RPS6KA2: variants seen among roughly 807,000 people sequenced by gnomAD.
RPS6KA2 encodes ribosomal protein S6 kinase A2.
A neutral mutation model predicts 91.8 loss-of-function variants in RPS6KA2; 42 were observed. That is an observed-to-expected ratio of 0.46 (90% CI 0.36 to 0.59). RPS6KA2 has a LOEUF of 0.59. Ranked by LOEUF, RPS6KA2 falls within the 20% of genes least tolerant of loss-of-function variation. The probability of loss-of-function intolerance (pLI) is 0.00; values close to 1 mark genes in which losing one functional copy is unlikely to be tolerated. For synonymous variants in RPS6KA2, 414 were observed against 393.6 expected, an observed-to-expected ratio of 1.05 and a Z score of -0.61; for missense variants, 798 against 978.5, an observed-to-expected ratio of 0.82 and a Z score of 2.46.
At chr6:166,634,396 T>A (rs1183283407) in intron 2 of RPS6KA2, among the ~76,000 whole-genome samples, 1 of 152,194 alleles carries the variant, frequency 6.6e-6, no homozygotes, top group African/African-American at 2.4e-5. Flanking sequence ...AGGCGCCACC[T>A]CTGAGTTGCT....
At chr6:166,566,173 C>T (rs1416734231) in intron 1 of RPS6KA2, among the ~76,000 whole-genome samples, 1 of 152,216 alleles carries the variant, frequency 6.6e-6, no homozygotes, top group African/African-American at 2.4e-5. Context: ...GCTCCTGGGA[C>T]GTGATGGCCT....
intron 2 of RPS6KA2, among the ~76,000 whole-genome samples, chr6:166,855,477 AGAAGAAGAAGAG>A (rs1213768019): frequency 3.8e-5 from 2 of 53,132 alleles, no homozygotes; most frequent in African/African-American, 1.1e-4. Context: ...AGGAAGAGGA[AGAAGAAGAAGAG>A]GAAGAAGAAG....
intron 1 of RPS6KA2, among the ~76,000 whole-genome samples, chr6:166,545,481 G>T (rs1408847349): frequency 1.3e-5 from 2 of 152,188 alleles, no homozygotes; most frequent in Admixed American, 1.3e-4. Context: ...CTAATGTAAG[G>T]TTCCTAGAAC....
intron 1 of RPS6KA2, chr6:166,862,078 T>C: frequency 6.2e-7 from 1 of 1,614,052 alleles, no homozygotes; most frequent in Non-Finnish European, 8.5e-7. Context: ...TTGAGGATGC[T>C]GTGAAAAGTG....
At chr6:166,468,140 G>T (rs554583013) in intron 11 of RPS6KA2, among the ~76,000 whole-genome samples, 1 of 152,182 alleles carries the variant, frequency 6.6e-6, no homozygotes, top group Non-Finnish European at 1.5e-5. Context: ...ACATTCCAAC[G>T]CAGAGTCGAA....
At position 166,747,043 on chromosome 6, in the gene RPS6KA2, G is replaced by A. The variant is rs948029173; in HGVS notation, c.123+111157C>T. Among the ~76,000 whole-genome samples, 60 of 152,226 alleles carry A rather than the reference G, an allele frequency of 3.9e-4. 2 individuals are homozygous for A. The highest frequency in any genetic ancestry group is 1.3e-4 in the Non-Finnish European group (9 of 68,034). On this transcript the variant is annotated intron_variant, in intron 2 of 21. Transcript: ENST00000503859. ...TCCTCCGGCTGTTCAGTAATCCGAA[G>A]CTCCCCAGCCCCAGTCCTTTTGAAT...
chr6:166,788,536 G>C (rs1778990171), intron 2 of RPS6KA2, among the ~76,000 whole-genome samples: 1 of 152,178 alleles, frequency 6.6e-6, no homozygotes, highest in African/African-American at 2.4e-5. Context: ...GTTCTTTGCA[G>C]GGACATGGAT....
chr6:166,572,902 CAG>C (rs1361802321), intron 1 of RPS6KA2, among the ~76,000 whole-genome samples: 1 of 152,358 alleles, frequency 6.6e-6, no homozygotes, highest in South Asian at 2.1e-4. Context: ...AAGAAGAAAA[CAG>C]GGGAAATGCA....
At position 166,409,492 on chromosome 6, in the gene RPS6KA2, G is replaced by C. The variant is rs1019476426; in HGVS notation, c.*3270C>G. ...ACCCATCTCAAACATGAATTACAAAGCAGGAACATAAAAATGATGTGTAAA... is the reference window on the plus strand; with the variant it reads ...ACCCATCTCAAACATGAATTACAAACCAGGAACATAAAAATGATGTGTAAA... On this transcript the variant is annotated 3_prime_UTR_variant, in exon 21 of 21. Transcript: ENST00000265678. 6.6e-6 allele frequency: 1 copy of C among 152,432 alleles called. No homozygotes were observed. Among genetic ancestry groups the C allele is most frequent in the Non-Finnish European group, 1.5e-5 (1 of 68,042 alleles). The allele number at this position is 152,432 out of a possible 1,614,324, so 9.4% of individuals were successfully genotyped here.
intron 2 of RPS6KA2, among the ~76,000 whole-genome samples, chr6:166,537,651 A>G (rs2187909): frequency 0.32 from 49,444 of 152,200 alleles, 9,013 homozygotes; most frequent in South Asian, 0.53. Flanking sequence ...CTAATGTACT[A>G]TTCATTCTAC....
intron 5 of RPS6KA2, among the ~76,000 whole-genome samples, chr6:166,506,689 C>T (rs1782238817): frequency 6.6e-6 from 1 of 152,154 alleles, no homozygotes; most frequent in Admixed American, 6.5e-5. Flanking sequence ...CTCTGGGACC[C>T]TTTGCGCCCG....
chr6:166,468,777 T>A (rs1315199199), intron 11 of RPS6KA2, among the ~76,000 whole-genome samples: 5 of 143,492 alleles, frequency 3.5e-5, no homozygotes. Flanking sequence ...GGCAGGAGAA[T>A]GGCGTGAATC....
At chr6:166,531,501 G>C (rs947501410) in intron 2 of RPS6KA2, among the ~76,000 whole-genome samples, 188 bp from the exon 3 acceptor site, 1 of 152,298 alleles carries the variant, frequency 6.6e-6, no homozygotes, top group Non-Finnish European at 1.5e-5. Flanking sequence ...ATAGCTCTGC[G>C]GCGAACATCA....
At chr6:166,795,977 A>G (rs1779212333) in intron 2 of RPS6KA2, among the ~76,000 whole-genome samples, 1 of 152,246 alleles carries the variant, frequency 6.6e-6, no homozygotes, top group Non-Finnish European at 1.5e-5. Flanking sequence ...CCCAGGCACT[A>G]TAAAGATTAT....
At chr6:166,728,184 G>A (rs1040426821) in intron 2 of RPS6KA2, among the ~76,000 whole-genome samples, 17 of 152,174 alleles carry the variant, frequency 1.1e-4, no homozygotes, top group Non-Finnish European at 2.1e-4. Flanking sequence ...CAGAGGTCCT[G>A]GAACCAGATG....
At chr6:166,753,963 G>C (rs1192329368) in intron 2 of RPS6KA2, among the ~76,000 whole-genome samples, 1 of 152,094 alleles carries the variant, frequency 6.6e-6, no homozygotes, top group Admixed American at 6.5e-5. Flanking sequence ...AGTGCCTTTG[G>C]CCATGCTTGA....
At position 166,586,203 on chromosome 6, in the gene RPS6KA2, G is replaced by A. The variant is rs1388235466; in HGVS notation, c.99+40718C>T. The A allele has an allele frequency of 7.9e-5, 125 of 1,586,816 alleles. 1 individual carries two copies. Among genetic ancestry groups the A allele is most frequent in the East Asian group, 2.9e-4 (13 of 44,738 alleles). On this transcript the variant is annotated intron_variant, in intron 1 of 20. Coordinates refer to ENST00000265678, the MANE Select transcript of RPS6KA2 (RefSeq NM_021135.6). ...ATAGTAAGGTTCTTGTCTGTGTTGC[G>A]GGTAGTTGTTACCCCAGGATCGTCC...
In RPS6KA2 at chr6:166,412,831, C is replaced by T. The variant is rs1281114659; in HGVS notation, c.2133G>A (p.Leu711=). The T allele has an allele frequency of 1.3e-6, 2 of 1,578,314 alleles. No homozygotes were observed. Among genetic ancestry groups the T allele is most frequent in the Non-Finnish European group, 1.7e-6 (2 of 1,162,504 alleles). The change falls in exon 21 of 21, where the codon CTG becomes CTA. Residue 711 remains leucine (L), a synonymous_variant. Transcript: ENST00000265678. This position sits in a 1 kb window ranked among gnomAD's most constrained non-coding sequence, Gnocchi z 4.3. ...ALNRTPQAPR[L]EPVLSSNLAQ... Reference sequence around the variant, plus strand: ...CCAGGTTGGATGACAGCACGGGCTCCAGCCGCGGGGCCTGAGGTGTTCTGT... The same window carrying T: ...CCAGGTTGGATGACAGCACGGGCTCTAGCCGCGGGGCCTGAGGTGTTCTGT...
intron 1 of RPS6KA2, among the ~76,000 whole-genome samples, chr6:166,583,107 G>T (rs542786814): frequency 6.6e-6 from 1 of 152,276 alleles, no homozygotes; most frequent in East Asian, 1.9e-4. Context: ...TAAAGACAAA[G>T]CAGTTTGGTA....
Sources: allele counts gnomAD v4.1 joint callset (sites outside exome capture counted in the v4.1 genomes callset), GRCh38; gene constraint gnomAD v4.1.1; non-coding constraint Gnocchi (gnomAD v3.1); transcripts MANE v1.5; gene names NCBI Gene and HGNC (gene_info 2026-07-23, HGNC 2026-07-21).